The following KCNK10 variants were observed in gnomAD, a reference collection of about 807,000 sequenced individuals.
KCNK10 encodes potassium two pore domain channel subfamily K member 10.
In KCNK10, 25 loss-of-function variants were observed where a neutral mutation model predicts 47.7. The observed-to-expected ratio is 0.52, with a 90% CI of 0.38 to 0.73. The LOEUF is 0.73. KCNK10 is among the 30% of genes least tolerant of loss of function. KCNK10 has a pLI of 0.00. For synonymous variants in KCNK10, 303 were observed against 285.6 expected, an observed-to-expected ratio of 1.06 and a Z score of -0.61; for missense variants, 563 against 714.5, an observed-to-expected ratio of 0.79 and a Z score of 2.42.
chr14:88,190,659 C>G (rs1466309996), intron 5 of KCNK10, among the ~76,000 whole-genome samples: 1 of 151,926 alleles, frequency 6.6e-6, no homozygotes. Context: ...TAAATTTAGT[C>G]ACTTTGCAAT....
chr14:88,211,180 G>T (rs1324955318), intron 4 of KCNK10, among the ~76,000 whole-genome samples: 1 of 152,188 alleles, frequency 6.6e-6, no homozygotes, highest in African/African-American at 2.4e-5. Flanking sequence ...GCCTTGAAAG[G>T]AAGGAAATTC....
upstream of KCNK10, chr14:88,326,656 T>C: frequency 8.5e-6 from 5 of 585,428 alleles, no homozygotes; most frequent in Middle Eastern, 9.1e-4. Context: ...CACTGCGTCC[T>C]GGGTGCACTC....
intron 1 of KCNK10, among the ~76,000 whole-genome samples, chr14:88,270,333 C>T (rs1887373277): frequency 6.6e-6 from 1 of 152,174 alleles, no homozygotes; most frequent in African/African-American, 2.4e-5. Flanking sequence ...CCCAGCAGCT[C>T]TTAGAGCAGT....
rs144462781 is a variant in KCNK10 at position 88,196,120 on chromosome 14, G to C, written c.682-3710C>G. ...CTTTGTTGATTGGTTAGACTAGAGC[G>C]CATGTTCTTCCCTTCTCTTTACACA... On this transcript the variant is annotated intron_variant, in intron 4 of 6. Coordinates refer to ENST00000319231, the MANE Select transcript of KCNK10 (RefSeq NM_138317.3). 5.4e-3 allele frequency among the ~76,000 whole-genome samples: 827 copies of C among 152,320 alleles called. 10 individuals carry two copies. The highest frequency in any genetic ancestry group is 0.018 in the African/African-American group (758 of 41,568).
chr14:88,197,859 G>GGAGAGAGAGAGGGAGA (rs1884970284), intron 4 of KCNK10, among the ~76,000 whole-genome samples: 3 of 125,352 alleles, frequency 2.4e-5, no homozygotes, highest in Non-Finnish European at 4.9e-5. Context: ...AGGAGGGAAG[G>GGAGAGAGAGAGGGAGA]GAGAGAGAGA....
chr14:88,251,470 A>G (rs1886797758), intron 2 of KCNK10, among the ~76,000 whole-genome samples: 1 of 152,124 alleles, frequency 6.6e-6, no homozygotes, highest in African/African-American at 2.4e-5. Context: ...ACGACCCAAC[A>G]TAAAGGGCCC....
chr14:88,243,565 C>T (rs773390990), intron 2 of KCNK10, among the ~76,000 whole-genome samples: 15 of 152,196 alleles, frequency 9.9e-5, no homozygotes, highest in Non-Finnish European at 1.9e-4. Flanking sequence ...CACGAGAGAT[C>T]ATTTCTAATT....
chr14:88,220,488 G>A (rs1040895733), intron 4 of KCNK10, among the ~76,000 whole-genome samples: 3 of 132,306 alleles, frequency 2.3e-5, no homozygotes, highest in Non-Finnish European at 4.8e-5. Flanking sequence ...AAGACAGTAT[G>A]ATATTGGAGA....
intron 1 of KCNK10, among the ~76,000 whole-genome samples, chr14:88,288,563 C>A (rs1887815680): frequency 6.6e-6 from 1 of 152,192 alleles, no homozygotes. Context: ...CCTAACCTGC[C>A]TGCCAAAATG....
intron 4 of KCNK10, among the ~76,000 whole-genome samples, chr14:88,196,069 A>G (rs1173456066): frequency 6.6e-6 from 1 of 152,234 alleles, no homozygotes; most frequent in Non-Finnish European, 1.5e-5. Context: ...TGGTCGTTGT[A>G]CTTCTGTCTA....
chr14:88,211,291 T>A (rs1382736196), intron 4 of KCNK10, among the ~76,000 whole-genome samples: 5 of 152,164 alleles, frequency 3.3e-5, no homozygotes, highest in African/African-American at 1.2e-4. Context: ...TGACATGAGG[T>A]TCCCGGAGTG....
chr14:88,181,122 C>A lies in KCNK10; in HGVS notation c.*4413G>T. The A allele has an allele frequency of 3.4e-6, 1 of 293,728 alleles. No individual in the cohort carries two copies. The allele number at this position is 293,728 out of a possible 1,614,324, so 18.2% of individuals were successfully genotyped here. On this transcript the variant is annotated 3_prime_UTR_variant, in exon 7 of 7. Transcript: ENST00000319231. ...GGCTCTGAATGTTTGTTTTCCTACG[C>A]CTTTCCCGTGGTTCAGAAACCCTGG...
chr14:88,322,742 C>T lies in KCNK10; in HGVS notation c.52+5G>A, dbSNP rs1888573373. The T allele has an allele frequency of 6.2e-7, 1 of 1,614,126 alleles. No homozygotes were observed. The highest frequency in any genetic ancestry group is 8.5e-7 in the Non-Finnish European group (1 of 1,180,014). On this transcript the variant is annotated splice_donor_5th_base_variant and intron_variant, in intron 1 of 6. Transcript: ENST00000319231. The surrounding 1 kb of genome is among the most constrained non-coding windows in gnomAD (Gnocchi z 4.8). The stretch of plus-strand genomic sequence containing the variant: ...CGAGGGCAGCCAAAAGTAGGAAACA[C>T]CCACCTTTAGGATCCCAGTTCACCT...
At chr14:88,191,072 A>G (rs1241586018) in intron 5 of KCNK10, among the ~76,000 whole-genome samples, 2 of 151,996 alleles carry the variant, frequency 1.3e-5, no homozygotes, top group African/African-American at 2.4e-5. Context: ...TCCCATCTCT[A>G]CGAAAAATAC....
upstream of KCNK10, among the ~76,000 whole-genome samples, chr14:88,325,151 A>G (rs1888634429): frequency 6.6e-6 from 1 of 152,194 alleles, no homozygotes; most frequent in African/African-American, 2.4e-5. Flanking sequence ...CCATGCCCCG[A>G]GACACCAGTG....
chr14:88,256,810 T>C (rs1886970590), intron 2 of KCNK10, among the ~76,000 whole-genome samples: 1 of 152,148 alleles, frequency 6.6e-6, no homozygotes, highest in Non-Finnish European at 1.5e-5. Flanking sequence ...CCCTAACAAA[T>C]AAGCAGCAGC....
chr14:88,258,236 G>A (rs1887012788), intron 2 of KCNK10, among the ~76,000 whole-genome samples: 1 of 151,878 alleles, frequency 6.6e-6, no homozygotes, highest in Non-Finnish European at 1.5e-5. Context: ...AGCACCCTGA[G>A]GCCACATTCT....
In KCNK10 at chr14:88,220,083, GA is replaced by G. The variant is rs549235666; in HGVS notation, c.681+7291del. Among the ~76,000 whole-genome samples the G allele has an allele frequency of 5.0e-3, 761 of 152,088 alleles. 4 individuals are homozygous for G. The highest frequency in any genetic ancestry group is 0.018 in the African/African-American group (730 of 41,524). On this transcript the variant is annotated intron_variant, in intron 4 of 6. Transcript: ENST00000319231. ...ATGTCAACACAATATTGAAAAAGAA[GA>G]AAAAAATTGGAGGACTGACACTAAC... is the stretch of plus-strand genomic sequence containing the variant.
At chr14:88,193,964 G>A (rs955404135) in intron 4 of KCNK10, among the ~76,000 whole-genome samples, 2 of 152,116 alleles carry the variant, frequency 1.3e-5, no homozygotes, top group African/African-American at 2.4e-5. Flanking sequence ...AATGGTCACC[G>A]GGTGATCTGT....
Sources: gnomAD v4.1 joint callset for allele counts (sites outside exome capture counted in the v4.1 genomes callset) on GRCh38, gnomAD v4.1.1 for gene constraint, Gnocchi (gnomAD v3.1) non-coding constraint, MANE v1.5 for transcripts, NCBI Gene and HGNC (gene_info 2026-07-23, HGNC 2026-07-21) for gene names.